CTNND2: variants seen among roughly 807,000 people sequenced by gnomAD.
The protein encoded by CTNND2 is catenin delta-2.
A neutral mutation model predicts 144.4 loss-of-function variants in CTNND2; 22 were observed. That is an observed-to-expected ratio of 0.15 (90% CI 0.11 to 0.22). The LOEUF (loss-of-function observed/expected upper bound fraction) is 0.22, where lower values mean the gene tolerates loss of function less well. Among genes scored for constraint, CTNND2 ranks in the 10% least tolerant of loss-of-function variants. The pLI is 1.00. For missense variants in CTNND2, 1,353 were observed against 1,618.8 expected, an observed-to-expected ratio of 0.84 and a Z score of 2.82; for synonymous variants, 751 against 695.6, an observed-to-expected ratio of 1.08 and a Z score of -1.25.
intron 16 of CTNND2, among the ~76,000 whole-genome samples, chr5:11,029,958 ACT>A (rs1365282175): frequency 4.6e-5 from 7 of 151,700 alleles, no homozygotes; most frequent in Non-Finnish European, 1.0e-4. Context: ...GTGGTAGTGA[ACT>A]CTCTTAGTTT....
chr5:11,564,449 T>C (rs1330654339), intron 3 of CTNND2, among the ~76,000 whole-genome samples: 1 of 152,204 alleles, frequency 6.6e-6, no homozygotes, highest in Non-Finnish European at 1.5e-5. Context: ...TGAATAATCA[T>C]TTATGTTTAT....
intron 16 of CTNND2, among the ~76,000 whole-genome samples, chr5:11,061,178 C>T (rs963469337): frequency 1.1e-4 from 16 of 152,118 alleles, no homozygotes; most frequent in African/African-American, 3.6e-4. Context: ...ATCAGCAAAC[C>T]TTGCTGGTTC....
intron 2 of CTNND2, among the ~76,000 whole-genome samples, chr5:11,722,004 A>G (rs1265429674): frequency 6.6e-6 from 1 of 152,218 alleles, no homozygotes; most frequent in Non-Finnish European, 1.5e-5. Flanking sequence ...AGTGAGTTTT[A>G]GGCTAAGTTT....
At chr5:10,998,460 G>A (rs926358380) in intron 18 of CTNND2, among the ~76,000 whole-genome samples, 9 of 152,204 alleles carry the variant, frequency 5.9e-5, no homozygotes, top group Non-Finnish European at 1.2e-4. Context: ...ACACTGCAAT[G>A]AGACAAACAT....
intron 11 of CTNND2, among the ~76,000 whole-genome samples, chr5:11,182,020 G>A (rs1246025687): frequency 1.8e-4 from 8 of 45,066 alleles, no homozygotes; most frequent in African/African-American, 3.1e-4. Context: ...TGTGTGTGGC[G>A]TGTGTGATGT....
intron 3 of CTNND2, among the ~76,000 whole-genome samples, chr5:11,420,205 C>G (rs1195897489): frequency 6.6e-6 from 1 of 152,108 alleles, no homozygotes; most frequent in East Asian, 1.9e-4. Flanking sequence ...CGCCTGCAAT[C>G]CTAGCTACTT....
intron 3 of CTNND2, among the ~76,000 whole-genome samples, chr5:11,463,242 CGTCTT>C (rs779996241): frequency 5.9e-5 from 9 of 152,160 alleles, no homozygotes; most frequent in Non-Finnish European, 1.2e-4. Context: ...TACTTAGAAG[CGTCTT>C]CAGAGGTAAG....
At chr5:11,068,601 T>C (rs796959217) in intron 16 of CTNND2, among the ~76,000 whole-genome samples, 12 of 152,362 alleles carry the variant, frequency 7.9e-5, no homozygotes, top group African/African-American at 2.6e-4. Context: ...CAACCTATTA[T>C]GCATTACAAC....
At chr5:11,054,088 A>C in intron 16 of CTNND2, among the ~76,000 whole-genome samples, 1 of 152,222 alleles carries the variant, frequency 6.6e-6, no homozygotes, top group East Asian at 1.9e-4. Flanking sequence ...TTTTCACAGA[A>C]CAGAGGTGCT....
At chr5:11,344,101 T>C (rs2149735901) in intron 9 of CTNND2, among the ~76,000 whole-genome samples, 1 of 152,304 alleles carries the variant, frequency 6.6e-6, no homozygotes, top group South Asian at 2.1e-4. Context: ...TTGGCACGTC[T>C]CTCCATTAAA....
At chr5:11,575,700 A>G (rs545392296) in intron 2 of CTNND2, among the ~76,000 whole-genome samples, 1 of 152,206 alleles carries the variant, frequency 6.6e-6, no homozygotes, top group East Asian at 1.9e-4. Flanking sequence ...TGGTAACAGC[A>G]TTTTACTTTG....
chr5:11,066,571 T>C (rs1747631827), intron 16 of CTNND2, among the ~76,000 whole-genome samples: 1 of 151,586 alleles, frequency 6.6e-6, no homozygotes, highest in South Asian at 2.1e-4. Flanking sequence ...CTCTAAACTG[T>C]ATAAAACCAA....
intron 17 of CTNND2, among the ~76,000 whole-genome samples, chr5:11,021,289 A>C (rs1742223986): frequency 6.6e-6 from 1 of 152,202 alleles, no homozygotes. Context: ...AAATACTTTA[A>C]TCTTTGAATG....
chr5:11,628,269 T>C (rs932247997), intron 2 of CTNND2, among the ~76,000 whole-genome samples: 1 of 152,194 alleles, frequency 6.6e-6, no homozygotes, highest in Non-Finnish European at 1.5e-5. Flanking sequence ...ATCAAGACAC[T>C]GAGGCTTAAA....
At chr5:11,488,844 C>T (rs1049726312) in intron 3 of CTNND2, among the ~76,000 whole-genome samples, 25 of 152,160 alleles carry the variant, frequency 1.6e-4, no homozygotes, top group African/African-American at 5.8e-4. Context: ...TCTTTTGTCA[C>T]CCAGCATAAT....
At chr5:11,553,559 T>C (rs1051295861) in intron 3 of CTNND2, among the ~76,000 whole-genome samples, 8 of 152,082 alleles carry the variant, frequency 5.3e-5, no homozygotes, top group African/African-American at 1.7e-4. Flanking sequence ...TTTTTATAGA[T>C]GAAAGAAATA....
At chr5:11,578,951 T>G (rs887860671) in intron 2 of CTNND2, among the ~76,000 whole-genome samples, 2 of 152,176 alleles carry the variant, frequency 1.3e-5, no homozygotes, top group Non-Finnish European at 2.9e-5. Context: ...ATTCTTATAT[T>G]AACTTGTTTA....
intron 3 of CTNND2, among the ~76,000 whole-genome samples, chr5:11,441,525 C>T (rs1458145864): frequency 2.0e-5 from 3 of 151,484 alleles, no homozygotes; most frequent in Non-Finnish European, 2.9e-5. Flanking sequence ...ATTACAGGCG[C>T]CCGCCACCAT....
chr5:11,598,830 T>C (rs989929989), intron 2 of CTNND2, among the ~76,000 whole-genome samples: 27 of 152,110 alleles, frequency 1.8e-4, no homozygotes, highest in African/African-American at 6.3e-4. Flanking sequence ...GTAAGCATCT[T>C]GTATTAGTGC....
Sources: gnomAD v4.1 joint callset for allele counts (sites outside exome capture counted in the v4.1 genomes callset) on GRCh38, gnomAD v4.1.1 for gene constraint, MANE v1.5 for transcripts, NCBI Gene and HGNC (gene_info 2026-07-23, HGNC 2026-07-21) for gene names.